The following ZZEF1 variants were observed in gnomAD, a reference collection of about 807,000 sequenced individuals.
ZZEF1 encodes the protein zinc finger ZZ-type and EF-hand domain-containing protein 1.
In ZZEF1, 157 loss-of-function variants were observed where a neutral mutation model predicts 342.8. That is an observed-to-expected ratio of 0.46 (90% CI 0.40 to 0.52). ZZEF1 has a LOEUF of 0.52. Ranked by LOEUF, ZZEF1 falls within the 20% of genes least tolerant of loss-of-function variation. ZZEF1 has a pLI of 0.00. For missense variants in ZZEF1, 3,480 were observed against 3,725.6 expected, an observed-to-expected ratio of 0.93 and a Z score of 1.72; for synonymous variants, 1,505 against 1,429.1, an observed-to-expected ratio of 1.05 and a Z score of -1.20.
intron 16 of ZZEF1, among the ~76,000 whole-genome samples, chr17:4,084,674 T>C (rs2057786408): frequency 6.6e-6 from 1 of 152,204 alleles, no homozygotes; most frequent in African/African-American, 2.4e-5. Context: ...CCTTCAGAAA[T>C]AAAAACCTGG....
chr17:4,041,551 T>C (rs1331925110), intron 39 of ZZEF1, among the ~76,000 whole-genome samples: 1 of 152,202 alleles, frequency 6.6e-6, no homozygotes, highest in Non-Finnish European at 1.5e-5. Flanking sequence ...TTGTCTCTGA[T>C]TCCTCTCTGT....
In ZZEF1 at chr17:4,014,697, G is replaced by A. The variant is rs1397001222; in HGVS notation, c.8146-182C>T. Among the ~76,000 whole-genome samples, 1 of 152,206 alleles carries A rather than the reference G, an allele frequency of 6.6e-6. No individual in the cohort carries two copies. Among genetic ancestry groups the A allele is most frequent in the African/African-American group, 2.4e-5 (1 of 41,444 alleles). On this transcript the variant is annotated intron_variant, in intron 49 of 54. Transcript: ENST00000381638. This position sits in a 1 kb window ranked among gnomAD's most constrained non-coding sequence, Gnocchi z 4.4. ...AGCATGCACAGACTGCAAATATGGT[G>A]CGAGGGAGGCACAGCGGGGCAGGCA...
intron 39 of ZZEF1, among the ~76,000 whole-genome samples, chr17:4,039,032 G>A (rs2056739050): frequency 6.7e-6 from 1 of 150,036 alleles, no homozygotes; most frequent in Admixed American, 6.7e-5. Context: ...GCCCTCCAAA[G>A]TGCCTGCTAA....
intron 3 of ZZEF1, among the ~76,000 whole-genome samples, chr17:4,115,047 G>C (rs1250494925): frequency 6.6e-6 from 1 of 151,938 alleles, no homozygotes; most frequent in Non-Finnish European, 1.5e-5. Flanking sequence ...TTTTTTGAGA[G>C]GGTCTCACTC....
At chr17:4,026,860 TA>T (rs1250437517) in intron 42 of ZZEF1, among the ~76,000 whole-genome samples, 2 of 152,090 alleles carry the variant, frequency 1.3e-5, no homozygotes, top group Admixed American at 6.6e-5. Context: ...TTTGCTAAGA[TA>T]AAACTCAGCT....
chr17:4,080,716 A>G (rs1196558529), intron 18 of ZZEF1, among the ~76,000 whole-genome samples: 1 of 152,052 alleles, frequency 6.6e-6, no homozygotes, highest in Non-Finnish European at 1.5e-5. Context: ...AAGTCCAAGT[A>G]GTTTTCCTGA....
intron 39 of ZZEF1, among the ~76,000 whole-genome samples, chr17:4,039,368 G>T (rs1211502841): frequency 6.6e-6 from 1 of 152,064 alleles, no homozygotes; most frequent in Non-Finnish European, 1.5e-5. Flanking sequence ...TACTCGGGGG[G>T]CTGAGGCACA....
intron 18 of ZZEF1, 91 bp from the exon 19 acceptor site, chr17:4,078,133 A>T: frequency 2.2e-6 from 3 of 1,341,166 alleles, no homozygotes; most frequent in Non-Finnish European, 3.0e-6. Flanking sequence ...AGCTGTCACC[A>T]GCAAAAACAA....
chr17:4,064,696 C>A lies in ZZEF1; in HGVS notation c.4383G>T (p.Arg1461Ser), dbSNP rs1446045814. The change falls in exon 29 of 55, where the codon AGG becomes AGT. Residue 1461 changes from arginine (R) to serine (S), a missense_variant. Around this residue, in one of 5 missense-constraint regions of ZZEF1, gnomAD observed 1,528 missense variants for 1,624.1 expected, o/e 0.94. Coordinates refer to ENST00000381638, the MANE Select transcript of ZZEF1 (RefSeq NM_015113.4). ...AATGCTCTTCCACCACAGAGCTTGTCCTCTGACGCTTGTTGAGTGGCTGGA... is the reference window on the plus strand; with the variant it reads ...AATGCTCTTCCACCACAGAGCTTGTACTCTGACGCTTGTTGAGTGGCTGGA... ...SHLQPLNKRQRTSSVVEEHFQ... is the reference protein window; with the variant it reads ...SHLQPLNKRQSTSSVVEEHFQ... The A allele has an allele frequency of 6.2e-7, 1 of 1,614,158 alleles. No individual in the cohort carries two copies. The highest frequency in any genetic ancestry group is 2.2e-5 in the East Asian group (1 of 44,886).
At chr17:4,133,214 C>G (rs1032242697) in intron 1 of ZZEF1, among the ~76,000 whole-genome samples, 15 of 152,168 alleles carry the variant, frequency 9.9e-5, no homozygotes, top group Non-Finnish European at 2.1e-4. Flanking sequence ...TATTTGGGCA[C>G]TCGTTAAATG....
intron 26 of ZZEF1, 39 bp downstream of exon 26, chr17:4,070,645 T>A (rs373619571): frequency 5.6e-6 from 9 of 1,594,674 alleles, no homozygotes; most frequent in Non-Finnish European, 6.8e-6. Context: ...ACTTAGCAAT[T>A]AGCCTTCAGA....
intron 35 of ZZEF1, 73 bp downstream of exon 35, chr17:4,051,898 A>C: frequency 6.7e-7 from 1 of 1,498,718 alleles, no homozygotes; most frequent in African/African-American, 1.4e-5. Context: ...TTTTAAAAAA[A>C]GAAAGAAGTC....
chr17:4,074,422 C>A (rs2057569093), intron 23 of ZZEF1, 71 bp from the exon 24 acceptor site: 1 of 1,472,816 alleles, frequency 6.8e-7, no homozygotes, highest in Non-Finnish European at 9.5e-7. Flanking sequence ...GCATGCTCTT[C>A]ATGACGAGAA....
chr17:4,038,535 C>T (rs760105340), intron 39 of ZZEF1, among the ~76,000 whole-genome samples: 9 of 152,116 alleles, frequency 5.9e-5, no homozygotes, highest in Non-Finnish European at 7.4e-5. Context: ...CCGGGCGCAG[C>T]GGCTCACGCC....
chr17:4,014,531 G>A lies in ZZEF1; in HGVS notation c.8146-16C>T, dbSNP rs1043651179. 12 of 1,613,684 alleles carry A rather than the reference G, an allele frequency of 7.4e-6. No homozygotes were observed. Among genetic ancestry groups the A allele is most frequent in the Middle Eastern group, 1.6e-4 (1 of 6,082 alleles). On this transcript the variant is annotated splice_polypyrimidine_tract_variant and intron_variant, in intron 49 of 54. Coordinates refer to ENST00000381638, the MANE Select transcript of ZZEF1 (RefSeq NM_015113.4). The surrounding 1 kb of genome is among the most constrained non-coding windows in gnomAD (Gnocchi z 4.4). ...GAACTTTATCCTAGGGAGGGGAAAT[G>A]GAGAACACATCTGTCGATGCTGCTC... is the stretch of plus-strand genomic sequence containing the variant.
chr17:4,053,978 GT>G (rs2057103837), intron 34 of ZZEF1, 78 bp downstream of exon 34: 1 of 1,490,536 alleles, frequency 6.7e-7, no homozygotes. Flanking sequence ...TACACTGAGA[GT>G]TTTTAAAAAT....
intron 28 of ZZEF1, 74 bp downstream of exon 28, chr17:4,066,373 T>A (rs2145245581): frequency 1.6e-6 from 2 of 1,265,986 alleles, no homozygotes; most frequent in Non-Finnish European, 1.2e-6. Flanking sequence ...ATCTAGAAGG[T>A]GAGTAATTGG....
At chr17:4,137,347 A>C (rs1049697093) in intron 1 of ZZEF1, among the ~76,000 whole-genome samples, 15 of 152,376 alleles carry the variant, frequency 9.8e-5, no homozygotes, top group African/African-American at 3.4e-4. Context: ...GCGATGGCTC[A>C]TGCCTGTAAT....
At chr17:4,117,648 CAAAAAAAA>C (rs61155656) in intron 2 of ZZEF1, among the ~76,000 whole-genome samples, 1 of 89,050 alleles carries the variant, frequency 1.1e-5, no homozygotes, top group African/African-American at 4.9e-5. Flanking sequence ...AACTCCACCT[CAAAAAAAA>C]AAAAAAAAAA....
Sources: gnomAD v4.1 joint callset for allele counts (sites outside exome capture counted in the v4.1 genomes callset) on GRCh38, gnomAD v4.1.1 for gene constraint, gnomAD v4.1.1 regional missense constraint, Gnocchi (gnomAD v3.1) non-coding constraint, MANE v1.5 for transcripts, NCBI Gene and HGNC (gene_info 2026-07-23, HGNC 2026-07-21) for gene names.